BCKDHB: variants seen among roughly 807,000 people sequenced by gnomAD.
BCKDHB encodes 2-oxoisovalerate dehydrogenase subunit beta, mitochondrial.
BCKDHB carries 41 observed loss-of-function variants against 48.5 expected under a neutral mutation model. The ratio of observed to expected loss-of-function variants is 0.85; its 90% CI spans 0.66 to 1.10. The LOEUF is 1.10. BCKDHB is among the 50% of genes least tolerant of loss of function. The pLI is 0.00. For synonymous variants in BCKDHB, 201 were observed against 174.8 expected (o/e 1.15, Z -1.18); for missense variants, 496 against 494.2 (o/e 1.00, Z -0.03).
chr6:80,406,694 G>T, the BCKDHB span, among the ~76,000 whole-genome samples: 1 of 152,110 alleles, frequency 6.6e-6, no homozygotes, highest in Non-Finnish European at 1.5e-5. Context: ...CCTACTTTTT[G>T]ATGGGGTTGT....
At chr6:80,350,638 T>C (rs1770366692), downstream of BCKDHB, among the ~76,000 whole-genome samples, 1 of 151,962 alleles carries the variant, frequency 6.6e-6, no homozygotes, top group Admixed American at 6.6e-5. Context: ...AAAATAATTA[T>C]CAGGGTCTTG....
intron 8 of BCKDHB, among the ~76,000 whole-genome samples, chr6:80,230,030 T>G (rs891332830): frequency 1.1e-3 from 108 of 99,242 alleles, no homozygotes; most frequent in African/African-American, 5.1e-3. Context: ...TAGGTTGTTT[T>G]TTTTTTTTTT....
At chr6:80,161,127 T>G (rs1001019670) in intron 3 of BCKDHB, among the ~76,000 whole-genome samples, 8 of 152,138 alleles carry the variant, frequency 5.3e-5, no homozygotes, top group Admixed American at 5.2e-4. Context: ...TTGCAGCACT[T>G]TGATTGATAT....
intron 6 of BCKDHB, among the ~76,000 whole-genome samples, chr6:80,196,847 T>C (rs1774153148): frequency 6.6e-6 from 1 of 152,172 alleles, no homozygotes; most frequent in East Asian, 1.9e-4. Context: ...GAAGTGTATA[T>C]GTGGAAACTT....
At chr6:80,135,494 A>G (rs1770841673) in intron 3 of BCKDHB, among the ~76,000 whole-genome samples, 1 of 152,124 alleles carries the variant, frequency 6.6e-6, no homozygotes, top group Non-Finnish European at 1.5e-5. Flanking sequence ...GTTTCCTAAT[A>G]TATTTATTAA....
Position 80,343,788 on chromosome 6 carries a change from A to G in BCKDHB, c.1163A>G (p.Lys388Arg). The change falls in exon 10 of 10, where the codon AAA becomes AGA. Residue 388 changes from lysine to arginine, a missense_variant. Coordinates refer to ENST00000320393, the MANE Select transcript of BCKDHB (RefSeq NM_183050.4). ...DKWKCYDALR[K>R]MINY ...TGGAAGTGTTATGATGCCCTTCGAA[A>G]AATGATCAACTATTGACCATATAGG... 3 of 1,613,956 alleles carry G rather than the reference A, an allele frequency of 1.9e-6. No homozygotes were observed. Among genetic ancestry groups the G allele is most frequent in the Non-Finnish European group, 2.5e-6 (3 of 1,179,960 alleles).
chr6:80,388,883 A>T, the BCKDHB span, among the ~76,000 whole-genome samples: 1 of 152,212 alleles, frequency 6.6e-6, no homozygotes, highest in Non-Finnish European at 1.5e-5. Context: ...AGTGGGCAGA[A>T]CTTCGAGCAG....
chr6:80,145,492 A>G (rs1771437806), intron 3 of BCKDHB, among the ~76,000 whole-genome samples: 1 of 152,210 alleles, frequency 6.6e-6, no homozygotes, highest in African/African-American at 2.4e-5. Context: ...ACACAAGCCC[A>G]CTGGCTTTTG....
the BCKDHB span, among the ~76,000 whole-genome samples, chr6:80,444,996 G>A: frequency 6.6e-6 from 1 of 152,200 alleles, no homozygotes; most frequent in Admixed American, 6.5e-5. Context: ...GGTTGTGGCT[G>A]TCTATAGAAA....
At chr6:80,319,318 C>T (rs1004422501) in intron 9 of BCKDHB, among the ~76,000 whole-genome samples, 2 of 152,060 alleles carry the variant, frequency 1.3e-5, no homozygotes, top group African/African-American at 4.8e-5. Context: ...TTAGTTTTTC[C>T]ATTAGTAGTA....
At chr6:80,448,307 G>T in the BCKDHB span, among the ~76,000 whole-genome samples, 3 of 152,070 alleles carry the variant, frequency 2.0e-5, no homozygotes, top group Non-Finnish European at 2.9e-5. Context: ...ACCAGAGATA[G>T]GTTTTAGGAT....
At chr6:80,421,357 T>C in the BCKDHB span, among the ~76,000 whole-genome samples, 2 of 152,214 alleles carry the variant, frequency 1.3e-5, no homozygotes, top group East Asian at 1.9e-4. Flanking sequence ...ACCCAGTCTC[T>C]GGTAGTATTT....
intron 3 of BCKDHB, among the ~76,000 whole-genome samples, chr6:80,133,527 T>C (rs1770735161): frequency 6.6e-6 from 1 of 152,126 alleles, no homozygotes. Context: ...TAATGAGATG[T>C]ATTGATTAGG....
At chr6:80,402,818 A>T in the BCKDHB span, among the ~76,000 whole-genome samples, 1 of 151,720 alleles carries the variant, frequency 6.6e-6, no homozygotes, top group Non-Finnish European at 1.5e-5. Context: ...ATTTTTTTGC[A>T]TGCACATAAC....
downstream of BCKDHB, among the ~76,000 whole-genome samples, chr6:80,346,543 G>A (rs1443061623): frequency 6.6e-6 from 1 of 152,138 alleles, no homozygotes; most frequent in African/African-American, 2.4e-5. Context: ...GGTGGGTGGT[G>A]AGGCAGAATT....
intron 3 of BCKDHB, among the ~76,000 whole-genome samples, chr6:80,161,347 T>C (rs1227789562): frequency 6.6e-6 from 1 of 152,182 alleles, no homozygotes; most frequent in Non-Finnish European, 1.5e-5. Context: ...ATACACACTA[T>C]TTAATATATT....
At chr6:80,448,573 A>G in the BCKDHB span, among the ~76,000 whole-genome samples, 1 of 152,192 alleles carries the variant, frequency 6.6e-6, no homozygotes, top group African/African-American at 2.4e-5. Context: ...CTTGTGGGAC[A>G]AGGGGGAAAA....
At chr6:80,129,340 AT>A (rs1770512044) in intron 3 of BCKDHB, 111 bp downstream of exon 3, 1 of 840,380 alleles carries the variant, frequency 1.2e-6, no homozygotes, top group Non-Finnish European at 2.0e-6. Context: ...GTATGGATGA[AT>A]TCCTTTTCAT....
chr6:80,134,389 C>A (rs114749445), intron 3 of BCKDHB, among the ~76,000 whole-genome samples: 1,904 of 152,170 alleles, frequency 0.013, 35 homozygotes, highest in African/African-American at 0.044. Context: ...TAACCAGATA[C>A]TTTAATACAC....
Sources: gnomAD v4.1 joint callset for allele counts (sites outside exome capture counted in the v4.1 genomes callset) on GRCh38, gnomAD v4.1.1 for gene constraint, MANE v1.5 for transcripts, NCBI Gene and HGNC (gene_info 2026-07-23, HGNC 2026-07-21) for gene names.